The following MACROD2 variants were observed in gnomAD, a reference collection of about 807,000 sequenced individuals.
MACROD2 encodes the protein ADP-ribose glycohydrolase MACROD2.
Under a neutral mutation model 70.4 loss-of-function variants are expected in MACROD2, and 36 were observed. The ratio of observed to expected loss-of-function variants is 0.51; its 90% CI spans 0.39 to 0.68. The LOEUF is 0.68. Ranked by LOEUF, MACROD2 falls within the 30% of genes least tolerant of loss-of-function variation. The pLI is 0.00. For missense variants in MACROD2, 496 were observed against 538.4 expected (o/e 0.92, Z 0.78); for synonymous variants, 172 against 178.8 (o/e 0.96, Z 0.30).
intron 5 of MACROD2, among the ~76,000 whole-genome samples, chr20:14,773,808 A>G (rs1342869304): frequency 6.6e-6 from 1 of 152,088 alleles, no homozygotes; most frequent in African/African-American, 2.4e-5. Context: ...TGAATGGCTT[A>G]AAGAACAGAA....
intron 5 of MACROD2, among the ~76,000 whole-genome samples, chr20:14,954,693 A>T (rs2074506060): frequency 3.0e-5 from 1 of 33,170 alleles, no homozygotes; most frequent in Non-Finnish European, 6.8e-5. Flanking sequence ...ATTTATATAA[A>T]ATTATAAATA....
intron 3 of MACROD2, among the ~76,000 whole-genome samples, chr20:14,176,056 A>G (rs939641516): frequency 6.6e-6 from 1 of 152,206 alleles, no homozygotes; most frequent in African/African-American, 2.4e-5. Flanking sequence ...AATGTTACTA[A>G]CGGTTGTTAG....
chr20:15,445,853 A>G (rs1454142413), intron 7 of MACROD2, among the ~76,000 whole-genome samples: 1 of 152,100 alleles, frequency 6.6e-6, no homozygotes, highest in Non-Finnish European at 1.5e-5. Context: ...AACCAAGACC[A>G]ATGTGTTGTC....
At chr20:15,653,525 C>T (rs541867599) in intron 8 of MACROD2, among the ~76,000 whole-genome samples, 49 of 152,270 alleles carry the variant, frequency 3.2e-4, no homozygotes, top group Middle Eastern at 6.8e-3. Context: ...TCCACCATTC[C>T]AACATCTGGT....
At position 15,937,545 on chromosome 20, in the gene MACROD2, G is replaced by C. The variant is rs1411563658; in HGVS notation, c.907+1G>C. ...GCAGTTGAAGACTGTAAAGATGAAG[G>C]TATGAGGCTACTAACTATATCTAAT... is the stretch of plus-strand genomic sequence containing the variant. On this transcript the variant is annotated splice_donor_variant, in intron 12 of 17. Coordinates refer to ENST00000684519, the MANE Select transcript of MACROD2 (RefSeq NM_001351661.2). LOFTEE classifies it high-confidence loss of function. 1 of 1,612,426 alleles carries C rather than the reference G, an allele frequency of 6.2e-7. No individual in the cohort carries two copies. Among genetic ancestry groups the C allele is most frequent in the East Asian group, 2.2e-5 (1 of 44,850 alleles).
At chr20:14,854,736 G>A (rs1281659367) in intron 5 of MACROD2, among the ~76,000 whole-genome samples, 1 of 152,142 alleles carries the variant, frequency 6.6e-6, no homozygotes, top group Non-Finnish European at 1.5e-5. Context: ...AGACAAATGG[G>A]CCGGGCACGA....
chr20:14,454,153 A>G (rs532727869), intron 3 of MACROD2, among the ~76,000 whole-genome samples: 1 of 152,046 alleles, frequency 6.6e-6, no homozygotes, highest in Admixed American at 6.5e-5. Context: ...TTTAAATTGC[A>G]TTTATTAGGC....
At chr20:14,195,947 T>C (rs1271908357) in intron 3 of MACROD2, among the ~76,000 whole-genome samples, 1 of 151,710 alleles carries the variant, frequency 6.6e-6, no homozygotes, top group African/African-American at 2.4e-5. Flanking sequence ...AAGGCAGGGG[T>C]CTAATTGAGC....
chr20:14,634,292 T>C (rs965551890), intron 4 of MACROD2, among the ~76,000 whole-genome samples: 3 of 152,256 alleles, frequency 2.0e-5, no homozygotes, highest in African/African-American at 7.2e-5. Flanking sequence ...GGATGGACAC[T>C]GAATGAGCAA....
intron 6 of MACROD2, among the ~76,000 whole-genome samples, chr20:15,421,948 G>T (rs2046234140): frequency 6.6e-6 from 1 of 152,190 alleles, no homozygotes; most frequent in South Asian, 2.1e-4. Context: ...TTTGATCAAA[G>T]ATCTAAAAGG....
intron 13 of MACROD2, among the ~76,000 whole-genome samples, chr20:15,967,913 G>A (rs893331756): frequency 6.6e-6 from 1 of 152,114 alleles, no homozygotes; most frequent in Admixed American, 6.5e-5. Context: ...CAAACACTGA[G>A]ATGAATGTGT....
At chr20:14,615,486 G>A (rs1483426429) in intron 4 of MACROD2, among the ~76,000 whole-genome samples, 2 of 152,082 alleles carry the variant, frequency 1.3e-5, no homozygotes, top group East Asian at 3.9e-4. Flanking sequence ...TCAAATGGAT[G>A]CCATTACAAT....
At chr20:14,059,127 A>T (rs960007053) in intron 2 of MACROD2, among the ~76,000 whole-genome samples, 1 of 152,206 alleles carries the variant, frequency 6.6e-6, no homozygotes, top group African/African-American at 2.4e-5. Flanking sequence ...ACTATTAAAG[A>T]TACATTAATT....
intron 2 of MACROD2, chr20:14,051,763 T>C (rs1799127965): frequency 2.3e-6 from 1 of 443,168 alleles, no homozygotes; most frequent in African/African-American, 2.0e-5. Flanking sequence ...AGGAATTGAT[T>C]AGTATCAGAA....
intron 5 of MACROD2, among the ~76,000 whole-genome samples, chr20:14,918,603 ACT>A (rs1281138908): frequency 6.8e-6 from 1 of 146,724 alleles, no homozygotes; most frequent in Non-Finnish European, 1.5e-5. Context: ...TTTTTGTGAC[ACT>A]GTGTTTTTTT....
rs960222866 is a variant in MACROD2, at chr20:14,783,913, T to G, written c.418+98954T>G. On this transcript the variant is annotated intron_variant, in intron 5 of 17. Transcript: ENST00000684519. The stretch of plus-strand genomic sequence containing the variant: ...AGTAATCTCTTAAGAACTGTTCCTC[T>G]TAGACATTAAGTCCTGAGCACTCTC... 9.2e-5 allele frequency among the ~76,000 whole-genome samples: 14 copies of G among 152,244 alleles called. 2 individuals carry two copies. In the East Asian group the frequency reaches 2.7e-3, roughly 29 times the overall value.
chr20:14,480,867 T>C (rs1241839006), intron 3 of MACROD2, among the ~76,000 whole-genome samples: 3 of 152,170 alleles, frequency 2.0e-5, no homozygotes, highest in Non-Finnish European at 4.4e-5. Flanking sequence ...ACAGTCGATA[T>C]AAATATAATA....
At chr20:15,020,608 A>T (rs527790262) in intron 5 of MACROD2, among the ~76,000 whole-genome samples, 59 of 152,250 alleles carry the variant, frequency 3.9e-4, no homozygotes, top group African/African-American at 1.4e-3. Flanking sequence ...TCATGTGAAC[A>T]TCGTAGAGTG....
intron 4 of MACROD2, among the ~76,000 whole-genome samples, chr20:14,601,471 C>G (rs1982493749): frequency 6.6e-6 from 1 of 151,898 alleles, no homozygotes; most frequent in Non-Finnish European, 1.5e-5. Flanking sequence ...TTGGGGACCC[C>G]TGGTATAGAT....
Sources: allele counts gnomAD v4.1 joint callset (sites outside exome capture counted in the v4.1 genomes callset), GRCh38; gene constraint gnomAD v4.1.1; transcripts MANE v1.5; gene names NCBI Gene and HGNC (gene_info 2026-07-23, HGNC 2026-07-21).